Variants in CFDP1 observed in about 807,000 individuals in gnomAD.
CFDP1 encodes the protein chromatin remodeling protein CFDP1.
CFDP1 carries 31 observed loss-of-function variants against 40.1 expected under a neutral mutation model. The ratio of observed to expected loss-of-function variants is 0.77; its 90% confidence interval spans 0.58 to 1.04. CFDP1 has a LOEUF of 1.04. CFDP1 is among the 50% of genes least tolerant of loss of function. CFDP1 has a pLI of 0.00. For missense variants in CFDP1, 423 were observed against 343.4 expected, an observed-to-expected ratio of 1.23 and a Z score of -1.83; for synonymous variants, 167 against 120.0, an observed-to-expected ratio of 1.39 and a Z score of -2.56.
chr16:75,316,054 G>A (rs1260163199), intron 5 of CFDP1, among the ~76,000 whole-genome samples: 1 of 152,082 alleles, frequency 6.6e-6, no homozygotes, highest in South Asian at 2.1e-4. Context: ...ATAGAATGTT[G>A]CTCATTGGAT....
At chr16:75,324,252 A>G (rs2078387657) in intron 5 of CFDP1, among the ~76,000 whole-genome samples, 1 of 152,048 alleles carries the variant, frequency 6.6e-6, no homozygotes. Flanking sequence ...GAGTTGAAGG[A>G]TGAGAAAGAA....
chr16:75,367,507 A>G (rs1433941159), intron 5 of CFDP1, among the ~76,000 whole-genome samples: 1 of 151,790 alleles, frequency 6.6e-6, no homozygotes, highest in African/African-American at 2.4e-5. Context: ...AAGACTTAAC[A>G]GTCGGCTGGG....
intron 1 of CFDP1, among the ~76,000 whole-genome samples, chr16:75,416,640 G>C (rs2079209241): frequency 6.6e-6 from 1 of 151,960 alleles, no homozygotes; most frequent in South Asian, 2.1e-4. Context: ...CACACCTCTA[G>C]TCTAAGCTGA....
chr16:75,346,353 GC>G (rs2078564061), intron 5 of CFDP1, among the ~76,000 whole-genome samples: 1 of 152,136 alleles, frequency 6.6e-6, no homozygotes, highest in Non-Finnish European at 1.5e-5. Flanking sequence ...GCAGGCCGAG[GC>G]AGGTGGATCA....
chr16:75,303,564 T>C (rs923724089), intron 6 of CFDP1, among the ~76,000 whole-genome samples: 2 of 141,486 alleles, frequency 1.4e-5, no homozygotes, highest in Non-Finnish European at 3.1e-5. Context: ...TGCAGGGGTG[T>C]GCCCCTGTAG....
chr16:75,364,146 A>T (rs1202431584), intron 5 of CFDP1, among the ~76,000 whole-genome samples: 2 of 107,508 alleles, frequency 1.9e-5, no homozygotes, highest in Non-Finnish European at 4.5e-5. Context: ...AAAACAAACA[A>T]ACAAACAAAA....
chr16:75,425,897 G>A (rs1200832803), intron 1 of CFDP1, among the ~76,000 whole-genome samples: 4 of 151,138 alleles, frequency 2.6e-5, no homozygotes, highest in Admixed American at 6.6e-5. Context: ...TTAGCCAGGC[G>A]TGGTGGCAGG....
At chr16:75,411,706 A>T in intron 4 of CFDP1, 119 bp downstream of exon 4, 1 of 1,057,432 alleles carries the variant, frequency 9.5e-7, no homozygotes, top group Middle Eastern at 2.2e-4. Flanking sequence ...CTTGAGTTCA[A>T]GTATAACTCT....
At chr16:75,421,333 C>G (rs933061921) in intron 1 of CFDP1, among the ~76,000 whole-genome samples, 1 of 152,092 alleles carries the variant, frequency 6.6e-6, no homozygotes, top group Non-Finnish European at 1.5e-5. Flanking sequence ...GGCTGTGGGA[C>G]AAGGACTCCA....
At chr16:75,409,586 T>C (rs2079137943) in intron 4 of CFDP1, 1 of 152,342 alleles carries the variant, frequency 6.6e-6, no homozygotes, top group East Asian at 1.9e-4. Flanking sequence ...TCACTATAGA[T>C]AGTAATCTGC....
At chr16:75,344,493 G>A (rs78174031) in intron 5 of CFDP1, among the ~76,000 whole-genome samples, 4 of 152,172 alleles carry the variant, frequency 2.6e-5, no homozygotes, top group Non-Finnish European at 5.9e-5. Flanking sequence ...CCACGTTATA[G>A]CTTATGTTCA....
intron 1 of CFDP1, among the ~76,000 whole-genome samples, chr16:75,430,573 C>G (rs968794460): frequency 1.5e-4 from 23 of 151,964 alleles, no homozygotes; most frequent in Admixed American, 5.3e-4. Flanking sequence ...CAAGAGATCT[C>G]GTGCCTCAGC....
At chr16:75,321,741 A>G (rs1329241784) in intron 5 of CFDP1, 2 of 152,168 alleles carry the variant, frequency 1.3e-5, no homozygotes, top group African/African-American at 4.8e-5. Flanking sequence ...GATTATATAT[A>G]AGCATCCAGA....
chr16:75,431,457 A>G (rs2079415045), intron 1 of CFDP1, among the ~76,000 whole-genome samples: 1 of 144,272 alleles, frequency 6.9e-6, no homozygotes, highest in African/African-American at 2.6e-5. Flanking sequence ...CTTGTCTCAA[A>G]AAAAAAAAAA....
intron 5 of CFDP1, among the ~76,000 whole-genome samples, chr16:75,352,218 G>A (rs1179796185): frequency 1.3e-5 from 2 of 151,630 alleles, no homozygotes; most frequent in Admixed American, 6.6e-5. Flanking sequence ...GTGCGTGCCT[G>A]TAGTCCCAGC....
chr16:75,387,726 G>A (rs1042139011), intron 5 of CFDP1, among the ~76,000 whole-genome samples: 8 of 152,160 alleles, frequency 5.3e-5, no homozygotes, highest in Admixed American at 4.6e-4. Context: ...TTACCCTCTG[G>A]AAACAGTAAT....
chr16:75,397,011 T>C (rs2078999668), intron 4 of CFDP1, among the ~76,000 whole-genome samples: 1 of 152,032 alleles, frequency 6.6e-6, no homozygotes, highest in African/African-American at 2.4e-5. Flanking sequence ...CCTCCTGGGT[T>C]CATGCCATTC....
At chr16:75,409,898 T>G (rs1026305988) in intron 4 of CFDP1, among the ~76,000 whole-genome samples, 1 of 151,802 alleles carries the variant, frequency 6.6e-6, no homozygotes, top group Non-Finnish European at 1.5e-5. Context: ...AAAATTTTAA[T>G]AATAAAAAGT....
intron 5 of CFDP1, among the ~76,000 whole-genome samples, chr16:75,313,119 A>G (rs1428727301): frequency 6.6e-6 from 1 of 152,216 alleles, no homozygotes; most frequent in Non-Finnish European, 1.5e-5. Context: ...CTTGCCACAA[A>G]GAGTAACGTG....
Sources: allele counts gnomAD v4.1 joint callset (sites outside exome capture counted in the v4.1 genomes callset), GRCh38; gene constraint gnomAD v4.1.1; transcripts MANE v1.5; gene names NCBI Gene and HGNC (gene_info 2026-07-23, HGNC 2026-07-21).